The following PRKN variants were observed in gnomAD, a reference collection of about 807,000 sequenced individuals.
The protein encoded by PRKN is parkin RBR E3 ubiquitin protein ligase.
PRKN carries 56 observed loss-of-function variants against 59.5 expected under a neutral mutation model. The ratio of observed to expected loss-of-function variants is 0.94; its 90% CI spans 0.76 to 1.18. The LOEUF (loss-of-function observed/expected upper bound fraction) is 1.18. PRKN is among the 50% of genes most tolerant of loss of function. The pLI is 0.00. For synonymous variants in PRKN, 250 were observed against 222.1 expected, an observed-to-expected ratio of 1.13 and a Z score of -1.12; for missense variants, 657 against 596.4, an observed-to-expected ratio of 1.10 and a Z score of -1.06.
At chr6:161,871,059 G>A (rs1216944100) in intron 6 of PRKN, among the ~76,000 whole-genome samples, 1 of 69,974 alleles carries the variant, frequency 1.4e-5, no homozygotes, top group Non-Finnish European at 2.8e-5. Context: ...TGAGGAGAGA[G>A]AGAGAGAAAA....
intron 2 of PRKN, among the ~76,000 whole-genome samples, chr6:162,299,823 C>T (rs925113642): frequency 3.9e-5 from 6 of 152,056 alleles, no homozygotes; most frequent in African/African-American, 1.4e-4. Flanking sequence ...TAACAAATAA[C>T]TAATTACACA....
chr6:161,955,339 A>G (rs1378118554), intron 6 of PRKN, among the ~76,000 whole-genome samples: 2 of 152,180 alleles, frequency 1.3e-5, no homozygotes, highest in African/African-American at 4.8e-5. Flanking sequence ...CCCCGGATGA[A>G]AGCCACTAAC....
rs1789864492 is a variant in PRKN, at chr6:161,454,147, C to CA, written c.1084-67271dup. On this transcript the variant is annotated intron_variant, in intron 9 of 11. Coordinates refer to ENST00000366898, the MANE Select transcript of PRKN (RefSeq NM_004562.3). This position sits in a 1 kb window ranked among gnomAD's most constrained non-coding sequence, Gnocchi z 4.6. ...GGAAACCTAAAAGTAACAATGTACA[C>CA]AACTCGCTAGGGTTGCCAGCAGCAT... is the stretch of plus-strand genomic sequence containing the variant. 3.9e-5 allele frequency among the ~76,000 whole-genome samples: 6 copies of CA among 152,140 alleles called. No individual in the cohort carries two copies. In the South Asian group the frequency reaches 1.2e-3, roughly 31 times the overall value.
intron 2 of PRKN, among the ~76,000 whole-genome samples, chr6:162,353,172 G>A (rs1356207258): frequency 6.6e-6 from 1 of 152,090 alleles, no homozygotes; most frequent in African/African-American, 2.4e-5. Context: ...GATTTAGTCA[G>A]CTTCCCATAT....
chr6:161,770,388 C>T (rs1789614438), intron 7 of PRKN, among the ~76,000 whole-genome samples: 1 of 151,814 alleles, frequency 6.6e-6, no homozygotes, highest in African/African-American at 2.4e-5. Flanking sequence ...TGTGTACCCC[C>T]AAATTCATAC....
In PRKN at chr6:161,561,958, A is replaced by T. The variant is rs1780471562; in HGVS notation, c.933+7397T>A. Among the ~76,000 whole-genome samples the T allele has an allele frequency of 6.6e-6, 1 of 152,154 alleles. No individual in the cohort carries two copies. Among genetic ancestry groups the T allele is most frequent in the Admixed American group, 6.5e-5 (1 of 15,274 alleles). Reference sequence around the variant, plus strand: ...CATTCGTGACTTTTGCCACAGTGTCACAGGCGAAGGACGCTCCCTGACCTC... The same window carrying T: ...CATTCGTGACTTTTGCCACAGTGTCTCAGGCGAAGGACGCTCCCTGACCTC... On this transcript the variant is annotated intron_variant, in intron 8 of 11. Transcript: ENST00000366898. This position sits in a 1 kb window ranked among gnomAD's most constrained non-coding sequence, Gnocchi z 5.0.
At chr6:161,908,453 G>A (rs577471437) in intron 6 of PRKN, among the ~76,000 whole-genome samples, 4 of 152,178 alleles carry the variant, frequency 2.6e-5, no homozygotes, top group East Asian at 1.9e-4. Flanking sequence ...TTGACATATC[G>A]ACTGTATTCT....
intron 2 of PRKN, among the ~76,000 whole-genome samples, chr6:162,280,885 C>G (rs1562637356): frequency 6.6e-6 from 1 of 150,654 alleles, no homozygotes; most frequent in East Asian, 2.0e-4. Context: ...CATGAAAAAC[C>G]CTTCCAAAAA....
intron 6 of PRKN, among the ~76,000 whole-genome samples, chr6:161,878,800 T>C (rs941527729): frequency 6.6e-6 from 1 of 152,184 alleles, no homozygotes; most frequent in African/African-American, 2.4e-5. Context: ...CATTCTTTGG[T>C]GCTCCTACAA....
At chr6:161,715,401 T>G (rs539844528) in intron 7 of PRKN, among the ~76,000 whole-genome samples, 1 of 152,186 alleles carries the variant, frequency 6.6e-6, no homozygotes, top group African/African-American at 2.4e-5. Flanking sequence ...GGTGGGATTA[T>G]GCGTATTTCT....
At chr6:161,587,108 C>T (rs1241501116) in intron 7 of PRKN, among the ~76,000 whole-genome samples, 1 of 152,176 alleles carries the variant, frequency 6.6e-6, no homozygotes, top group Non-Finnish European at 1.5e-5. Context: ...CTCAGATTAA[C>T]AAATCAATGA....
chr6:162,558,961 G>T (rs929452047), intron 1 of PRKN, among the ~76,000 whole-genome samples: 29 of 151,900 alleles, frequency 1.9e-4, no homozygotes, highest in Non-Finnish European at 2.8e-4. Context: ...CTTTAAAAAG[G>T]CAATTGGTGA....
At chr6:162,684,944 T>G (rs1250119027) in intron 1 of PRKN, among the ~76,000 whole-genome samples, 1 of 152,166 alleles carries the variant, frequency 6.6e-6, no homozygotes, top group Non-Finnish European at 1.5e-5. Flanking sequence ...AAAAGTATAA[T>G]TTAAGCCTAG....
intron 2 of PRKN, among the ~76,000 whole-genome samples, chr6:162,297,146 G>A (rs1781713093): frequency 6.6e-6 from 1 of 150,956 alleles, no homozygotes; most frequent in African/African-American, 2.4e-5. Flanking sequence ...GCTTAGCTCT[G>A]CTAATCAGAT....
chr6:161,990,849 T>C (rs940108943), intron 5 of PRKN, among the ~76,000 whole-genome samples: 1 of 152,158 alleles, frequency 6.6e-6, no homozygotes, highest in Non-Finnish European at 1.5e-5. Flanking sequence ...AAATAATATC[T>C]GAAAACTTCT....
At chr6:162,226,659 G>A (rs986846400) in intron 3 of PRKN, among the ~76,000 whole-genome samples, 1 of 151,968 alleles carries the variant, frequency 6.6e-6, no homozygotes, top group Non-Finnish European at 1.5e-5. Flanking sequence ...CCAGCCTCCC[G>A]AGTAGCTGGG....
intron 1 of PRKN, among the ~76,000 whole-genome samples, chr6:162,567,988 C>T (rs1780151015): frequency 6.6e-6 from 1 of 152,104 alleles, no homozygotes; most frequent in Non-Finnish European, 1.5e-5. Context: ...TCATTTTTGA[C>T]AAAAGTGCCA....
intron 1 of PRKN, among the ~76,000 whole-genome samples, chr6:162,518,670 A>C (rs1189330939): frequency 6.6e-6 from 1 of 152,204 alleles, no homozygotes; most frequent in Non-Finnish European, 1.5e-5. Context: ...CCCGGCCAGC[A>C]AATTTAAATA....
intron 1 of PRKN, among the ~76,000 whole-genome samples, chr6:162,674,971 T>C (rs1383302378): frequency 6.6e-6 from 1 of 152,074 alleles, no homozygotes; most frequent in African/African-American, 2.4e-5. Flanking sequence ...ACAAAATTAA[T>C]TAAGGATGGT....
Sources: gnomAD v4.1 joint callset for allele counts (sites outside exome capture counted in the v4.1 genomes callset) on GRCh38, gnomAD v4.1.1 for gene constraint, Gnocchi (gnomAD v3.1) non-coding constraint, MANE v1.5 for transcripts, NCBI Gene and HGNC (gene_info 2026-07-23, HGNC 2026-07-21) for gene names.